Variants in MRPS28 observed in about 807,000 individuals in gnomAD.
MRPS28 encodes the protein small ribosomal subunit protein bS1m.
A neutral mutation model predicts 10.8 loss-of-function variants in MRPS28; 7 were observed. The observed-to-expected ratio is 0.65, with a 90% CI of 0.37 to 1.22. The LOEUF is 1.22. MRPS28 is among the 50% of genes most tolerant of loss of function. The pLI is 0.02. For missense variants in MRPS28, 265 were observed against 232.9 expected, an observed-to-expected ratio of 1.14 and a Z score of -0.90; for synonymous variants, 121 against 93.3, an observed-to-expected ratio of 1.30 and a Z score of -1.71.
intron 2 of MRPS28, among the ~76,000 whole-genome samples, chr8:79,922,602 T>A (rs568598253): frequency 6.8e-4 from 97 of 143,632 alleles, no homozygotes; most frequent in African/African-American, 2.0e-3. Flanking sequence ...TTTTTATTAG[T>A]TAAAAAATAA....
At chr8:80,002,059 G>A (rs1563539050) in intron 2 of MRPS28, among the ~76,000 whole-genome samples, 1 of 152,012 alleles carries the variant, frequency 6.6e-6, no homozygotes, top group Non-Finnish European at 1.5e-5. Flanking sequence ...ATTCAGGTAG[G>A]ACAAGCTTAT....
At chr8:79,988,488 T>C (rs1031988873) in intron 2 of MRPS28, among the ~76,000 whole-genome samples, 1 of 150,704 alleles carries the variant, frequency 6.6e-6, no homozygotes, top group Admixed American at 6.6e-5. Flanking sequence ...CTGTGATATA[T>C]TTATGGAAAA....
At chr8:79,982,640 A>T (rs1366974347) in intron 2 of MRPS28, among the ~76,000 whole-genome samples, 1 of 152,092 alleles carries the variant, frequency 6.6e-6, no homozygotes, top group Non-Finnish European at 1.5e-5. Flanking sequence ...AGGGTCCTAT[A>T]CCCACGGAGT....
intron 2 of MRPS28, among the ~76,000 whole-genome samples, chr8:79,982,076 A>G (rs199768938): frequency 6.6e-6 from 1 of 152,108 alleles, no homozygotes; most frequent in Non-Finnish European, 1.5e-5. Flanking sequence ...GTGAAACCCC[A>G]TCTCTACTAA....
intron 2 of MRPS28, among the ~76,000 whole-genome samples, chr8:79,978,491 C>T (rs556768563): frequency 6.6e-6 from 1 of 152,276 alleles, no homozygotes; most frequent in African/African-American, 2.4e-5. Flanking sequence ...TGTGTACTAG[C>T]TCACGACTTT....
At chr8:79,956,118 C>T (rs1390945228) in intron 2 of MRPS28, among the ~76,000 whole-genome samples, 1 of 151,970 alleles carries the variant, frequency 6.6e-6, no homozygotes, top group Non-Finnish European at 1.5e-5. Context: ...GCCTTTGAAA[C>T]AACTTTTTGT....
At chr8:79,920,096 C>T (rs1449658617) in intron 2 of MRPS28, among the ~76,000 whole-genome samples, 2 of 152,076 alleles carry the variant, frequency 1.3e-5, no homozygotes, top group African/African-American at 4.8e-5. Flanking sequence ...CAGCTTCATC[C>T]ATGTCCCTAC....
rs1275330169 is a variant in MRPS28 at position 80,001,466 on chromosome 8, TTAA to T, written c.395+1530_395+1532del. On this transcript the variant is annotated intron_variant, in intron 2 of 2. Transcript: ENST00000276585. Reference sequence around the variant, plus strand: ...ATGTCATCATTAGGTCACCAGGATTTTAATAATAACAATGCAATGAAAATAACA... The same window carrying T: ...ATGTCATCATTAGGTCACCAGGATTTTAATAACAATGCAATGAAAATAACA... Among the ~76,000 whole-genome samples, 6 of 152,320 alleles carry T rather than the reference TTAA, an allele frequency of 3.9e-5. No homozygotes were observed. In the East Asian group the frequency reaches 9.6e-4, roughly 24 times the overall value.
chr8:79,947,194 A>G (rs1806941264), intron 2 of MRPS28, among the ~76,000 whole-genome samples: 1 of 152,186 alleles, frequency 6.6e-6, no homozygotes, highest in African/African-American at 2.4e-5. Context: ...CAGTAACAAC[A>G]ACAATGAAAA....
intron 2 of MRPS28, among the ~76,000 whole-genome samples, chr8:79,981,693 T>C (rs1807958466): frequency 6.6e-6 from 1 of 152,206 alleles, no homozygotes; most frequent in African/African-American, 2.4e-5. Flanking sequence ...TAAAATCGTA[T>C]CTTCCACACT....
chr8:79,982,253 GA>G lies in MRPS28; in HGVS notation c.395+20745del, dbSNP rs1167494563. Among the ~76,000 whole-genome samples the G allele has an allele frequency of 2.0e-5, 3 of 152,156 alleles. No homozygotes were observed. The East Asian group carries it at 5.8e-4, about 29-fold the overall frequency. ...CTGAGTGAGACTCCATCTCAAAAAAGAAAAGAAAAGAAAAGAAAGAGATGGT... is the reference window on the plus strand; with the variant it reads ...CTGAGTGAGACTCCATCTCAAAAAAGAAAGAAAAGAAAAGAAAGAGATGGT... On this transcript the variant is annotated intron_variant, in intron 2 of 2. Transcript: ENST00000276585.
intron 2 of MRPS28, among the ~76,000 whole-genome samples, chr8:79,933,579 T>A (rs552855838): frequency 9.2e-4 from 140 of 152,346 alleles, no homozygotes; most frequent in South Asian, 6.0e-3. Flanking sequence ...TCACACATTA[T>A]GTGCCAAGGA....
intron 2 of MRPS28, among the ~76,000 whole-genome samples, chr8:79,930,747 G>C (rs954779315): frequency 6.6e-6 from 1 of 152,174 alleles, no homozygotes; most frequent in African/African-American, 2.4e-5. Context: ...CTTCTAATCT[G>C]AGAAAAGAAA....
At chr8:80,013,533 C>G (rs1344452347) in intron 1 of MRPS28, among the ~76,000 whole-genome samples, 2 of 148,906 alleles carry the variant, frequency 1.3e-5, no homozygotes, top group Non-Finnish European at 3.0e-5. Flanking sequence ...ACTCAGGAGG[C>G]TGAGGCAGGA....
chr8:80,028,636 A>T (rs1442178766), intron 1 of MRPS28: 1 of 4,082 alleles, frequency 2.4e-4, no homozygotes, highest in Non-Finnish European at 9.3e-4. Flanking sequence ...GGATCTCAAA[A>T]GCAGAAGACG....
chr8:80,025,748 CAT>C (rs1563546239), intron 1 of MRPS28, among the ~76,000 whole-genome samples: 1 of 152,060 alleles, frequency 6.6e-6, no homozygotes. Context: ...AATCTCATGA[CAT>C]AGGGGGAAAA....
intron 1 of MRPS28, among the ~76,000 whole-genome samples, chr8:80,003,807 T>C (rs1411116449): frequency 6.6e-6 from 1 of 152,174 alleles, no homozygotes; most frequent in East Asian, 1.9e-4. Flanking sequence ...GCTTTTCCAA[T>C]GGTCTTAGCC....
chr8:79,945,265 T>G (rs1267210130), intron 2 of MRPS28, among the ~76,000 whole-genome samples: 1 of 152,200 alleles, frequency 6.6e-6, no homozygotes, highest in Non-Finnish European at 1.5e-5. Flanking sequence ...ACCAAAGGGA[T>G]GCACCATAAG....
chr8:79,982,453 G>C (rs942947162), intron 2 of MRPS28, among the ~76,000 whole-genome samples: 5 of 152,262 alleles, frequency 3.3e-5, no homozygotes, highest in Non-Finnish European at 7.3e-5. Flanking sequence ...AGCCGAAGCA[G>C]GGCGAGGCAT....
Sources: gnomAD v4.1 joint callset for allele counts (sites outside exome capture counted in the v4.1 genomes callset) on GRCh38, gnomAD v4.1.1 for gene constraint, MANE v1.5 for transcripts, NCBI Gene and HGNC (gene_info 2026-07-23, HGNC 2026-07-21) for gene names.